The following WDFY4 variants were observed in gnomAD, a reference collection of about 807,000 sequenced individuals.
The protein encoded by WDFY4 is WD repeat- and FYVE domain-containing protein 4.
Under a neutral mutation model 351.9 loss-of-function variants are expected in WDFY4, and 169 were observed. That is an observed-to-expected ratio of 0.48 (90% CI 0.42 to 0.55). The LOEUF is 0.55. Ranked by LOEUF, WDFY4 falls within the 20% of genes least tolerant of loss-of-function variation. The pLI is 0.00. For missense variants in WDFY4, 3,803 were observed against 3,935.6 expected (o/e 0.97, Z 0.90); for synonymous variants, 1,622 against 1,574.6 (o/e 1.03, Z -0.71).
At position 48,709,701 on chromosome 10, in the gene WDFY4, T is replaced by G. The variant is rs2063720887; in HGVS notation, c.-17-15T>G. The G allele has an allele frequency of 1.3e-6, 2 of 1,546,308 alleles. No homozygotes were observed. The highest frequency in any genetic ancestry group is 2.4e-5 in the South Asian group (2 of 83,884). On this transcript the variant is annotated splice_polypyrimidine_tract_variant and intron_variant, in intron 1 of 61. Transcript: ENST00000325239. ...ATGTGACAGGAATGTTCACTTCTAT[T>G]TGTTCTGAATTCAGATCTGCTTTGC...
intron 40 of WDFY4, 69 bp downstream of exon 40, chr10:48,867,411 G>T: frequency 8.9e-7 from 1 of 1,119,372 alleles, no homozygotes; most frequent in Non-Finnish European, 1.2e-6. Context: ...AAAAATAATT[G>T]GAAGGGCCTT....
At chr10:48,781,578 G>A (rs761006750) in intron 19 of WDFY4, among the ~76,000 whole-genome samples, 1 of 152,194 alleles carries the variant, frequency 6.6e-6, no homozygotes, top group Non-Finnish European at 1.5e-5. Flanking sequence ...TAACAGGTGT[G>A]AGCCACTGCG....
At position 48,966,591 on chromosome 10, in the gene WDFY4, C is replaced by T. The variant is rs1289198570; in HGVS notation, c.8502C>T (p.Ser2834=). The T allele has an allele frequency of 4.5e-6, 7 of 1,551,942 alleles. No individual in the cohort carries two copies. The highest frequency in any genetic ancestry group is 6.1e-6 in the Non-Finnish European group (7 of 1,147,054). Residue 2834 remains serine, a synonymous_variant, in exon 55 of 62, where the codon TCC becomes TCT. Transcript: ENST00000325239. ...AGKPLPGKDV[S]TPVSLPGHPQ... is the part of the protein sequence containing the mutation. The stretch of plus-strand genomic sequence containing the variant: ...AGCCTCTGCCTGGAAAGGATGTCTC[C>T]ACCCCCGTGAGCCTGCCTGGCCACC...
chr10:48,976,947 A>G lies in WDFY4; in HGVS notation c.9259A>G (p.Ile3087Val). The change falls in exon 59 of 62, where the codon ATC becomes GTC. Residue 3087 changes from isoleucine (I) to valine (V), a missense_variant. Ile to Val is a conservative substitution (Grantham distance 29). This residue lies in a region of WDFY4 where 3,054 missense variants were observed against 3,148.6 expected (regional missense o/e 0.97). Transcript: ENST00000325239. ...CCCAGCATGGGACACAAGCCAGATC[A>G]TCATCACCGGGAGTCAAGACGGCAT... ...EGPAWDTSQI[I>V]ITGSQDGMVR... 6.7e-7 allele frequency: 1 copy of G among 1,502,516 alleles called. No individual in the cohort carries two copies. The highest frequency in any genetic ancestry group is 1.4e-5 in the African/African-American group (1 of 71,356). The allele number at this position is 1,502,516 out of a possible 1,614,324, so 93.1% of individuals were successfully genotyped here. A position where few individuals can be genotyped will look rare whatever the true frequency, so the allele number is the denominator to read the frequency against.
In WDFY4 at chr10:48,982,190, G is replaced by A. The variant is rs550012328; in HGVS notation, c.9489-319G>A. Among the ~76,000 whole-genome samples, 395 of 152,324 alleles carry A rather than the reference G, an allele frequency of 2.6e-3. 1 individual carries two copies. Among genetic ancestry groups the A allele is most frequent in the Non-Finnish European group, 5.0e-3 (340 of 68,026 alleles). ...AGAACTTGCCATTTGTTCTGCCCTG[G>A]TCCTGGCTATTTCTCTGGTGGGACA... On this transcript the variant is annotated intron_variant, in intron 61 of 61. Coordinates refer to ENST00000325239, the MANE Select transcript of WDFY4 (RefSeq NM_001394531.1).
At chr10:48,803,382 G>A in intron 25 of WDFY4, 23 bp downstream of exon 25, 1 of 1,550,254 alleles carries the variant, frequency 6.5e-7, no homozygotes, top group Non-Finnish European at 8.7e-7. Context: ...TTGGCAGCCT[G>A]GGGGTTAGAA....
Position 48,873,578 on chromosome 10 carries a change from G to C in WDFY4, c.6829G>C (p.Gly2277Arg), listed in dbSNP as rs371636156. 3.9e-6 allele frequency: 6 copies of C among 1,551,758 alleles called. No homozygotes were observed. The highest frequency in any genetic ancestry group is 2.4e-5 in the East Asian group (1 of 40,920). Reference protein sequence around the residue: ...LFGELGLWSQGEETKPCSPWE... With the variant: ...LFGELGLWSQREETKPCSPWE... ...TGGGGAGCTGGGCTTGTGGAGCCAG[G>C]GGGAAGAAACCAAGCCCTGTTCCCC... is the stretch of plus-strand genomic sequence containing the variant. The change falls in exon 41 of 62, where the codon GGG becomes CGG. Residue 2277 changes from glycine to arginine, a missense_variant. Around this residue, in one of 3 missense-constraint regions of WDFY4, gnomAD observed 3,054 missense variants for 3,148.6 expected, o/e 0.97. Coordinates refer to ENST00000325239, the MANE Select transcript of WDFY4 (RefSeq NM_001394531.1).
chr10:48,958,009 G>A (rs929569569), intron 52 of WDFY4, among the ~76,000 whole-genome samples: 3 of 152,190 alleles, frequency 2.0e-5, no homozygotes, highest in African/African-American at 4.8e-5. Flanking sequence ...CAGAGAACAC[G>A]CATGAGCCAT....
chr10:48,824,096 G>A (rs1381966146), intron 35 of WDFY4: 1 of 985,412 alleles, frequency 1.0e-6, no homozygotes, highest in East Asian at 1.1e-4. Context: ...CCATGCTAAG[G>A]CTACAAATCA....
At chr10:48,777,252 C>T (rs1565186010) in intron 16 of WDFY4, among the ~76,000 whole-genome samples, 167 bp from the exon 17 acceptor site, 1 of 152,202 alleles carries the variant, frequency 6.6e-6, no homozygotes, top group South Asian at 2.1e-4. Context: ...TTCCCTTAGG[C>T]ATCCTACCAG....
chr10:48,721,461 C>A, intron 4 of WDFY4, 94 bp downstream of exon 4: 4 of 1,101,096 alleles, frequency 3.6e-6, no homozygotes, highest in South Asian at 1.4e-5. Context: ...CCAAGAGGGT[C>A]ATTCGTTTCA....
chr10:48,887,623 CA>C lies in WDFY4; in HGVS notation c.7168-2950del, dbSNP rs556227969. 3.6e-3 allele frequency among the ~76,000 whole-genome samples: 540 copies of C among 151,974 alleles called. 3 individuals carry two copies. Among genetic ancestry groups the C allele is most frequent in the Non-Finnish European group, 5.0e-3 (341 of 67,946 alleles). ...GAAACCCCATCTTTACTAAAAAATACAAAAAATTAGCCGGGCGTGGTGGTGG... is the reference window on the plus strand; with the variant it reads ...GAAACCCCATCTTTACTAAAAAATACAAAAATTAGCCGGGCGTGGTGGTGG... On this transcript the variant is annotated intron_variant, in intron 43 of 61. Coordinates refer to ENST00000325239, the MANE Select transcript of WDFY4 (RefSeq NM_001394531.1).
At chr10:48,791,040 C>A (rs559039314) in intron 23 of WDFY4, 123 bp downstream of exon 23, 1 of 1,263,008 alleles carries the variant, frequency 7.9e-7, no homozygotes, top group Non-Finnish European at 1.1e-6. Context: ...GAAGGGCAGC[C>A]GAAAGCCCTT....
Position 48,788,660 on chromosome 10 carries a change from C to T in WDFY4, c.3939C>T (p.Arg1313=). Residue 1313 remains arginine, a synonymous_variant, in exon 21 of 62, where the codon CGC becomes CGT. Coordinates refer to ENST00000325239, the MANE Select transcript of WDFY4 (RefSeq NM_001394531.1). ...IRNAYNEVDS[R]LIAKEMNISS... is the part of the protein sequence containing the mutation. ...ATGCTTACAATGAGGTGGACAGCCG[C>T]CTGATCGCCAAAGAGGTACATCTTC... 1 of 1,551,672 alleles carries T rather than the reference C, an allele frequency of 6.4e-7. No individual in the cohort carries two copies.
intron 47 of WDFY4, among the ~76,000 whole-genome samples, chr10:48,931,037 A>G (rs1047029704): frequency 6.6e-6 from 1 of 152,016 alleles, no homozygotes; most frequent in Non-Finnish European, 1.5e-5. Flanking sequence ...ACAGATATAA[A>G]ATCTATTTCT....
At chr10:48,873,065 C>T (rs2069845652) in intron 40 of WDFY4, among the ~76,000 whole-genome samples, 1 of 152,134 alleles carries the variant, frequency 6.6e-6, no homozygotes, top group Non-Finnish European at 1.5e-5. Context: ...CATTCAAATT[C>T]CCACTCCACT....
chr10:48,875,169 A>C (rs1419876088), intron 42 of WDFY4, 29 bp downstream of exon 42: 4 of 1,261,098 alleles, frequency 3.2e-6, no homozygotes, highest in Non-Finnish European at 4.2e-6. Context: ...TTTTCCTTTA[A>C]TAGTTAAGCT....
At chr10:48,917,515 C>T (rs1838660178) in intron 47 of WDFY4, among the ~76,000 whole-genome samples, 1 of 152,182 alleles carries the variant, frequency 6.6e-6, no homozygotes, top group Non-Finnish European at 1.5e-5. Flanking sequence ...TGACGTATCA[C>T]CCACAGGGGA....
At chr10:48,981,934 C>A (rs968963146) in intron 61 of WDFY4, among the ~76,000 whole-genome samples, 1 of 152,190 alleles carries the variant, frequency 6.6e-6, no homozygotes, top group South Asian at 2.1e-4. Flanking sequence ...TTATTTGACT[C>A]GCAGTAACCC....
Sources: gnomAD v4.1 joint callset for allele counts (sites outside exome capture counted in the v4.1 genomes callset) on GRCh38, gnomAD v4.1.1 for gene constraint, gnomAD v4.1.1 regional missense constraint, MANE v1.5 for transcripts, NCBI Gene and HGNC (gene_info 2026-07-23, HGNC 2026-07-21) for gene names.